The following TGFBRAP1 variants were observed in gnomAD, a reference collection of about 807,000 sequenced individuals.
TGFBRAP1 encodes the protein transforming growth factor beta receptor associated protein 1, also known as transforming growth factor-beta receptor-associated protein 1.
TGFBRAP1 carries 20 observed loss-of-function variants against 83.2 expected under a neutral mutation model. That is an observed-to-expected ratio of 0.24 (90% confidence interval 0.17 to 0.35). TGFBRAP1 has a LOEUF of 0.35. TGFBRAP1 is among the 10% of genes least tolerant of loss of function. The pLI, the probability that TGFBRAP1 is intolerant of heterozygous loss-of-function variation, is 1.00. For missense variants in TGFBRAP1, 950 were observed against 1,099.4 expected (o/e 0.86, Z 1.92); for synonymous variants, 415 against 459.8 (o/e 0.90, Z 1.25).
chr2:105,317,235 G>C (rs1290948003), intron 1 of TGFBRAP1, among the ~76,000 whole-genome samples: 1 of 152,070 alleles, frequency 6.6e-6, no homozygotes, highest in Admixed American at 6.5e-5. Context: ...TCAAAAGATG[G>C]AGATCATCCT....
Position 105,296,429 on chromosome 2 carries a change from G to A in TGFBRAP1, c.965C>T (p.Ala322Val). The change falls in exon 4 of 12, where the codon GCA (alanine) becomes GTA (valine). Residue 322 changes from alanine (A) to valine (V), a missense_variant. Ala to Val is a moderately conservative substitution (Grantham distance 64). Coordinates refer to ENST00000393359, the MANE Select transcript of TGFBRAP1 (RefSeq NM_004257.6). ...CAAAGCCTCTTCTACTCTGCGGCTT[G>A]CTAGAAGATCCTGTATTTGTTTTTC... is the stretch of plus-strand genomic sequence containing the variant. ...PLEKQIQDLL[A>V]SRRVEEALVL... is the part of the protein sequence containing the mutation. The A allele has an allele frequency of 1.9e-6, 3 of 1,614,054 alleles. No homozygotes were observed. The highest frequency in any genetic ancestry group is 2.5e-6 in the Non-Finnish European group (3 of 1,179,990).
chr2:105,273,394 G>A (rs933980215), intron 9 of TGFBRAP1, 150 bp downstream of exon 9: 22 of 1,082,278 alleles, frequency 2.0e-5, no homozygotes, highest in South Asian at 1.4e-4. Flanking sequence ...GTCTCTTTCC[G>A]CAAGCCTCAA....
intron 1 of TGFBRAP1, among the ~76,000 whole-genome samples, chr2:105,315,689 A>G (rs1678832962): frequency 6.6e-6 from 1 of 152,224 alleles, no homozygotes; most frequent in African/African-American, 2.4e-5. Context: ...TACCATTAAA[A>G]AGATCGACAA....
At chr2:105,321,839 G>A (rs1679077507) in intron 1 of TGFBRAP1, among the ~76,000 whole-genome samples, 2 of 152,174 alleles carry the variant, frequency 1.3e-5, no homozygotes, top group Admixed American at 1.3e-4. Flanking sequence ...GAAAAGTCTA[G>A]CACATTCAAT....
chr2:105,288,327 C>G (rs1229399735), intron 4 of TGFBRAP1, among the ~76,000 whole-genome samples: 1 of 152,214 alleles, frequency 6.6e-6, no homozygotes, highest in African/African-American at 2.4e-5. Flanking sequence ...CACGAGCAGG[C>G]TGCCTCTCCC....
chr2:105,308,003 C>T lies in TGFBRAP1; in HGVS notation c.299G>A (p.Ser100Asn). The change falls in exon 2 of 12, where the codon AGC (serine) becomes AAC (asparagine). Residue 100 changes from serine (S) to asparagine (N), a missense_variant. Coordinates refer to ENST00000393359, the MANE Select transcript of TGFBRAP1 (RefSeq NM_004257.6). The stretch of plus-strand genomic sequence containing the variant: ...CTCGAGGTTCAGCATGTTGACCAGG[C>T]TGATGGAGTTGTCACACAGCACCAG... ...RLLVLCDNSISLVNMLNLEPV... is the reference protein window; with the variant it reads ...RLLVLCDNSINLVNMLNLEPV... 1 of 1,614,218 alleles carries T rather than the reference C, an allele frequency of 6.2e-7. No individual in the cohort carries two copies. Among genetic ancestry groups the T allele is most frequent in the Non-Finnish European group, 8.5e-7 (1 of 1,180,042 alleles).
chr2:105,283,469 T>C (rs1014722242), intron 5 of TGFBRAP1, among the ~76,000 whole-genome samples: 2 of 152,208 alleles, frequency 1.3e-5, no homozygotes, highest in African/African-American at 4.8e-5. Flanking sequence ...TTCAGGGGCT[T>C]CCTATACATG....
chr2:105,319,051 A>G (rs1678973322), intron 1 of TGFBRAP1, among the ~76,000 whole-genome samples: 1 of 152,060 alleles, frequency 6.6e-6, no homozygotes, highest in African/African-American at 2.4e-5. Context: ...TAAACGTGGA[A>G]TGAGAGCCTT....
rs1188299497 is a variant in TGFBRAP1, at chr2:105,308,147, T to C, written c.155A>G (p.Glu52Gly). The C allele has an allele frequency of 2.5e-6, 4 of 1,614,120 alleles. No homozygotes were observed. In the South Asian group the frequency reaches 4.4e-5, roughly 18 times the overall value. The change falls in exon 2 of 12, where the codon GAG becomes GGG. Residue 52 changes from glutamate (E) to glycine (G), a missense_variant. Transcript: ENST00000393359. ...NDCFVYHFLL[E>G]ERPVPAGPAT... is the part of the protein sequence containing the mutation. ...TGGCCCAGCAGGCACTGGCCTCTCC[T>C]CCAACAGGAAGTGGTAGACGAAGCA... is the stretch of plus-strand genomic sequence containing the variant.
intron 7 of TGFBRAP1, 84 bp downstream of exon 7, chr2:105,277,530 A>C: frequency 7.5e-7 from 1 of 1,325,384 alleles, no homozygotes. Context: ...GTCTCTATCA[A>C]CTTGTGAATT....
At chr2:105,250,614 C>T in the TGFBRAP1 span, among the ~76,000 whole-genome samples, 1 of 111,780 alleles carries the variant, frequency 8.9e-6, no homozygotes, top group Non-Finnish European at 1.9e-5. Flanking sequence ...CCCTCTCCCT[C>T]CTCTCCCTCT....
At position 105,267,934 on chromosome 2, in the gene TGFBRAP1, C is replaced by G. The variant is rs145587098; in HGVS notation, c.2407-375G>C. ...CATATAATAGTGTAACTCCAGGGTT[C>G]TCTCATTTGCAAATAAGAAAAGTAA... On this transcript the variant is annotated intron_variant, in intron 11 of 11. Transcript: ENST00000393359. 9.7e-3 allele frequency: 9,305 copies of G among 959,734 alleles called. 43 individuals are homozygous for G. Among genetic ancestry groups the G allele is most frequent in the Non-Finnish European group, 0.011 (8,647 of 806,580 alleles). 59.5% of individuals were successfully genotyped at this position (959,734 alleles called of 1,614,324 possible). A position where few individuals can be genotyped will look rare whatever the true frequency, so the allele number is the denominator to read the frequency against.
the TGFBRAP1 span, among the ~76,000 whole-genome samples, chr2:105,251,517 T>TG: frequency 2.6e-3 from 372 of 141,374 alleles, 1 homozygote; most frequent in South Asian, 4.6e-3. Flanking sequence ...GGGAGGGAGG[T>TG]GGGGGGGGAT....
intron 11 of TGFBRAP1, among the ~76,000 whole-genome samples, chr2:105,268,160 G>A (rs967498352): frequency 3.3e-5 from 5 of 152,166 alleles, no homozygotes; most frequent in African/African-American, 1.2e-4. Context: ...CGTGTCAACC[G>A]AGGCAGGTTG....
chr2:105,260,472 C>A (rs1676764280), downstream of TGFBRAP1, among the ~76,000 whole-genome samples: 1 of 152,090 alleles, frequency 6.6e-6, no homozygotes, highest in Non-Finnish European at 1.5e-5. Flanking sequence ...GACATTATGT[C>A]AAGTGAAATA....
chr2:105,255,358 C>CT, the TGFBRAP1 span, among the ~76,000 whole-genome samples: 1 of 152,146 alleles, frequency 6.6e-6, no homozygotes, highest in South Asian at 2.1e-4. Flanking sequence ...ACTGTGTTGC[C>CT]CACAGTGCAA....
At chr2:105,313,798 G>GA (rs1481851717) in intron 1 of TGFBRAP1, among the ~76,000 whole-genome samples, 2 of 151,498 alleles carry the variant, frequency 1.3e-5, no homozygotes, top group Non-Finnish European at 2.9e-5. Flanking sequence ...TAAATTAAAA[G>GA]AAAAAACTAT....
chr2:105,279,956 T>G (rs1677474368), intron 6 of TGFBRAP1, among the ~76,000 whole-genome samples: 1 of 151,890 alleles, frequency 6.6e-6, no homozygotes, highest in Admixed American at 6.6e-5. Context: ...GAGAATTGCT[T>G]GAACCCAGGA....
At position 105,272,957 on chromosome 2, in the gene TGFBRAP1, T is replaced by A; in HGVS notation, c.1870A>T (p.Arg624Trp). ...GCACCCTTGCCACTGGCGGAGGCCCTCTGCAGCAGCACCTCTTCCAGGTAC... is the reference window on the plus strand; with the variant it reads ...GCACCCTTGCCACTGGCGGAGGCCCACTGCAGCAGCACCTCTTCCAGGTAC... The part of the protein sequence containing the change: ...VLYLEEVLLQ[R>W]ASASGKGAEA... The change falls in exon 10 of 12, where the codon AGG becomes TGG. Residue 624 changes from arginine (R) to tryptophan (W), a missense_variant. Arg to Trp is a moderately radical substitution (Grantham distance 101, BLOSUM62 -3). Transcript: ENST00000393359. 1.2e-6 allele frequency: 2 copies of A among 1,613,442 alleles called. No individual in the cohort carries two copies. The highest frequency in any genetic ancestry group is 1.7e-6 in the Non-Finnish European group (2 of 1,180,008).
Sources: gnomAD v4.1 joint callset for allele counts (sites outside exome capture counted in the v4.1 genomes callset) on GRCh38, gnomAD v4.1.1 for gene constraint, MANE v1.5 for transcripts, NCBI Gene and HGNC (gene_info 2026-07-23, HGNC 2026-07-21) for gene names.